SEH1L: variants seen among roughly 807,000 people sequenced by gnomAD.
SEH1L encodes the protein nucleoporin SEH1.
SEH1L carries 18 observed loss-of-function variants against 49.5 expected under a neutral mutation model. The ratio of observed to expected loss-of-function variants is 0.36; its 90% CI spans 0.25 to 0.54. The LOEUF is 0.54. Ranked by LOEUF, SEH1L falls within the 20% of genes least tolerant of loss-of-function variation. The pLI is 0.87. For missense variants in SEH1L, 404 were observed against 528.8 expected, an observed-to-expected ratio of 0.76 and a Z score of 2.31; for synonymous variants, 169 against 178.1, an observed-to-expected ratio of 0.95 and a Z score of 0.41.
intron 8 of SEH1L, chr18:12,985,886 G>A (rs766853254): frequency 8.3e-6 from 8 of 968,930 alleles, no homozygotes; most frequent in Non-Finnish European, 9.8e-6. Context: ...TTTGTAGCCA[G>A]GTTAAGCATT....
At chr18:12,958,285 C>T (rs1465890290) in intron 3 of SEH1L, among the ~76,000 whole-genome samples, 1 of 151,392 alleles carries the variant, frequency 6.6e-6, no homozygotes, top group East Asian at 1.9e-4. Context: ...AGGGTTTCAC[C>T]ATGTTGGTCA....
At chr18:12,952,855 C>T (rs1376925908) in intron 2 of SEH1L, among the ~76,000 whole-genome samples, 2 of 146,928 alleles carry the variant, frequency 1.4e-5, no homozygotes, top group South Asian at 2.1e-4. Flanking sequence ...GATGTTGGCT[C>T]GTTGCAACCT....
intron 7 of SEH1L, among the ~76,000 whole-genome samples, chr18:12,983,689 ATATG>A (rs2032360081): frequency 6.6e-6 from 1 of 152,346 alleles, no homozygotes; most frequent in Middle Eastern, 3.4e-3. Context: ...CCTTACATAC[ATATG>A]TAAGTGAAAT....
At position 12,986,890 on chromosome 18, in the gene SEH1L, C is replaced by T. The variant is rs779564825; in HGVS notation, c.1099C>T (p.Arg367Trp). 12 of 1,607,250 alleles carry T rather than the reference C, an allele frequency of 7.5e-6. No individual in the cohort carries two copies. Among genetic ancestry groups the T allele is most frequent in the Admixed American group, 3.4e-5 (2 of 59,564 alleles). Residue 367 changes from arginine to tryptophan, a missense_variant, in exon 9 of 9, where the codon CGG becomes TGG. By Grantham distance (101) the Arg-to-Trp change is moderately radical. This residue lies in a region of SEH1L where 342 missense variants were observed against 430.8 expected (regional missense o/e 0.79). Transcript: ENST00000399892. ...TTTCTTTACCCCTCTGGATTCCCCA[C>T]GGGCTGGATCGAGATGGTCCAGTTA... Reference protein sequence around the residue: ...RYFFTPLDSPRAGSRWSSYAQ... With the variant: ...RYFFTPLDSPWAGSRWSSYAQ...
chr18:12,970,379 G>T (rs1482373990), intron 4 of SEH1L, among the ~76,000 whole-genome samples: 1 of 152,070 alleles, frequency 6.6e-6, no homozygotes, highest in Non-Finnish European at 1.5e-5. Flanking sequence ...CTTCTGCAGG[G>T]GTAGTCTTTT....
At chr18:12,960,371 G>T (rs2031113887) in intron 3 of SEH1L, among the ~76,000 whole-genome samples, 1 of 152,204 alleles carries the variant, frequency 6.6e-6, no homozygotes, top group Non-Finnish European at 1.5e-5. Flanking sequence ...ACCATTTCTT[G>T]AAAAGACCAT....
chr18:12,961,878 G>T (rs2031193635), intron 3 of SEH1L, among the ~76,000 whole-genome samples: 1 of 152,108 alleles, frequency 6.6e-6, no homozygotes, highest in Non-Finnish European at 1.5e-5. Flanking sequence ...TGTTGGACAG[G>T]CTGGTCTTGA....
chr18:12,981,035 C>G (rs557680378), intron 6 of SEH1L, among the ~76,000 whole-genome samples: 1 of 149,660 alleles, frequency 6.7e-6, no homozygotes, highest in African/African-American at 2.5e-5. Context: ...GGTGTGGCTG[C>G]CGGGCGGAGG....
rs554886753 is a variant in SEH1L, at chr18:12,981,850, A to ATTTTTTTTTTTTTTTTT, written c.762-657_762-641dup. On this transcript the variant is annotated intron_variant, in intron 6 of 8. Coordinates refer to ENST00000399892, the MANE Select transcript of SEH1L (RefSeq NM_001013437.2). ...TTCTTTCCTACTTGCTGCCCTGCCC[A>ATTTTTTTTTTTTTTTTT]TTTTTTTTTTTTTTTTTTTTTTTTT... is the stretch of plus-strand genomic sequence containing the variant. Among the ~76,000 whole-genome samples the ATTTTTTTTTTTTTTTTT allele has an allele frequency of 9.1e-5, 8 of 88,192 alleles. 2 individuals carry two copies. The highest frequency in any genetic ancestry group is 7.3e-4 in the East Asian group (2 of 2,732). 57.9% of individuals were successfully genotyped at this position (88,192 alleles called of 152,430 possible).
intron 3 of SEH1L, among the ~76,000 whole-genome samples, chr18:12,962,787 G>A (rs773844299): frequency 6.6e-6 from 1 of 151,928 alleles, no homozygotes; most frequent in African/African-American, 2.4e-5. Flanking sequence ...TACAGTTAAA[G>A]GGTCTAATGC....
chr18:12,966,523 C>T (rs541822843), intron 4 of SEH1L, among the ~76,000 whole-genome samples: 1 of 152,302 alleles, frequency 6.6e-6, no homozygotes, highest in East Asian at 1.9e-4. Context: ...ACACAGCCTC[C>T]CAAGTAACTG....
chr18:12,986,781 A>T (rs1474973696), intron 8 of SEH1L, 81 bp from the exon 9 acceptor site: 23 of 1,195,154 alleles, frequency 1.9e-5, no homozygotes, highest in Middle Eastern at 2.5e-4. Context: ...CTTTGTATTT[A>T]CTACTTTTCT....
intron 4 of SEH1L, among the ~76,000 whole-genome samples, chr18:12,967,731 C>T (rs1269160670): frequency 1.3e-5 from 2 of 152,006 alleles, no homozygotes; most frequent in Non-Finnish European, 2.9e-5. Context: ...CTGGCCAACA[C>T]AGCGAAACAC....
rs35889009 is a variant in SEH1L at position 12,966,094 on chromosome 18, GTT to G, written c.521+2737_521+2738del. On this transcript the variant is annotated intron_variant, in intron 4 of 8. Transcript: ENST00000399892. ...TTTGTTTTTTATTTTTATTTTTATG[GTT>G]TTTTTTTTTTTTTGGAGACAGAGTC... is the stretch of plus-strand genomic sequence containing the variant. Among the ~76,000 whole-genome samples, 1,043 of 136,546 alleles carry G rather than the reference GTT, an allele frequency of 7.6e-3. 14 individuals carry two copies. The highest frequency in any genetic ancestry group is 0.057 in the East Asian group (260 of 4,570). The allele number at this position is 136,546 out of a possible 152,430, so 89.6% of individuals were successfully genotyped here.
chr18:12,984,071 T>C lies in SEH1L; in HGVS notation c.951T>C (p.Gly317=), dbSNP rs577417757. The C allele has an allele frequency of 6.2e-7, 1 of 1,613,740 alleles. No individual in the cohort carries two copies. The highest frequency in any genetic ancestry group is 8.5e-7 in the Non-Finnish European group (1 of 1,179,626). The change falls in exon 8 of 9, where the codon GGT becomes GGC. Residue 317 remains glycine, a synonymous_variant. Transcript: ENST00000399892. ...ATATGGACAATTGGAAGTGTACTGG[T>C]ATTTTGAAAGGTAATGGGAGCCCAG... ...ANYMDNWKCT[G]ILKGNGSPVN...
At chr18:12,949,285 C>T (rs77908530) in intron 1 of SEH1L, among the ~76,000 whole-genome samples, 1,903 of 152,138 alleles carry the variant, frequency 0.013, 31 homozygotes, top group African/African-American at 0.042. Context: ...TCCAGAGTAA[C>T]TGGAAATCTG....
In SEH1L at chr18:12,984,196, C is replaced by T. The variant is rs774683633; in HGVS notation, c.1070+6C>T. On this transcript the variant is annotated splice_donor_region_variant and intron_variant, in intron 8 of 8. Coordinates refer to ENST00000399892, the MANE Select transcript of SEH1L (RefSeq NM_001013437.2). ...AATGGATCTTCTGCTGGCAGGTAGG[C>T]TGCTTCATGGGAAAACTGGAAATCA... The T allele has an allele frequency of 2.5e-6, 4 of 1,612,708 alleles. No individual in the cohort carries two copies. Among genetic ancestry groups the T allele is most frequent in the Non-Finnish European group, 3.4e-6 (4 of 1,179,020 alleles).
chr18:12,967,140 T>G (rs145661782), intron 4 of SEH1L, among the ~76,000 whole-genome samples: 3 of 152,372 alleles, frequency 2.0e-5, no homozygotes, highest in Non-Finnish European at 2.9e-5. Context: ...AAAGTTGCCA[T>G]GAACACTGAA....
chr18:12,978,504 C>G, intron 5 of SEH1L: 1 of 374,188 alleles, frequency 2.7e-6, no homozygotes, highest in Non-Finnish European at 4.8e-6. Flanking sequence ...AGGACCCACC[C>G]TAAATCTCGG....
Sources: allele counts gnomAD v4.1 joint callset (sites outside exome capture counted in the v4.1 genomes callset), GRCh38; gene constraint gnomAD v4.1.1; regional missense constraint gnomAD v4.1.1; transcripts MANE v1.5; gene names NCBI Gene and HGNC (gene_info 2026-07-23, HGNC 2026-07-21).